The following VPS45 variants were observed in gnomAD, a reference collection of about 807,000 sequenced individuals.
The protein encoded by VPS45 is vacuolar protein sorting 45 homolog.
A neutral mutation model predicts 75.9 loss-of-function variants in VPS45; 35 were observed. That is an observed-to-expected ratio of 0.46 (90% CI 0.35 to 0.61). The LOEUF (loss-of-function observed/expected upper bound fraction) is 0.61. VPS45 is among the 20% of genes least tolerant of loss of function. The pLI, the probability that VPS45 is intolerant of heterozygous loss-of-function variation, is 0.00. For missense variants in VPS45, 559 were observed against 685.9 expected, an observed-to-expected ratio of 0.81 and a Z score of 2.07; for synonymous variants, 220 against 238.2, an observed-to-expected ratio of 0.92 and a Z score of 0.70.
At chr1:150,106,933 C>T (rs1237800557) in intron 13 of VPS45, among the ~76,000 whole-genome samples, 5 of 152,186 alleles carry the variant, frequency 3.3e-5, no homozygotes, top group Non-Finnish European at 7.3e-5. Context: ...AGGGGACTCT[C>T]AATTCCCACC....
chr1:150,081,551 A>T, intron 8 of VPS45, 75 bp downstream of exon 8: 1 of 1,498,322 alleles, frequency 6.7e-7, no homozygotes, highest in Admixed American at 2.2e-5. Context: ...TTGTTAGTAT[A>T]GGGGCAGGCA....
chr1:150,072,672 A>AAAAAAAT (rs1198741898), intron 3 of VPS45, among the ~76,000 whole-genome samples: 2 of 142,504 alleles, frequency 1.4e-5, no homozygotes, highest in Non-Finnish European at 3.0e-5. Flanking sequence ...AAAAAAAAAT[A>AAAAAAAT]CTTTTGACCA....
chr1:150,078,935 C>T (rs144850201), intron 7 of VPS45, among the ~76,000 whole-genome samples: 7,037 of 151,730 alleles, frequency 0.046, 218 homozygotes, highest in Non-Finnish European at 0.065. Flanking sequence ...CATGATGAAA[C>T]CCTGTCTCTA....
intron 10 of VPS45, among the ~76,000 whole-genome samples, chr1:150,090,513 C>T (rs1401596682): frequency 6.6e-6 from 1 of 152,050 alleles, no homozygotes; most frequent in Non-Finnish European, 1.5e-5. Context: ...TATAAGCAGA[C>T]CACTTAAAAT....
intron 2 of VPS45, among the ~76,000 whole-genome samples, chr1:150,071,551 C>T (rs1051650137): frequency 2.0e-5 from 3 of 152,088 alleles, no homozygotes; most frequent in African/African-American, 7.2e-5. Flanking sequence ...CTTTGGGAGG[C>T]CAAGCCAGGT....
intron 14 of VPS45, among the ~76,000 whole-genome samples, chr1:150,120,102 C>A (rs1209731909): frequency 4.7e-5 from 1 of 21,100 alleles, no homozygotes; most frequent in Non-Finnish European, 9.0e-5. Flanking sequence ...GAGTGAAACT[C>A]CATCTAAAAA....
At position 150,077,129 on chromosome 1, in the gene VPS45, A is replaced by T. The variant is rs2101519449; in HGVS notation, c.474A>T (p.Thr158=). The T allele has an allele frequency of 6.2e-7, 1 of 1,614,124 alleles. No individual in the cohort carries two copies. The highest frequency in any genetic ancestry group is 8.5e-7 in the Non-Finnish European group (1 of 1,180,014). ...RNWDPAQLSR[T]TQGLTALLLS... The stretch of plus-strand genomic sequence containing the variant: ...GGGATCCAGCCCAGCTATCTAGAAC[A>T]ACTCAAGGGCTTACAGCTCTCCTTT... The change falls in exon 6 of 15, where the codon ACA becomes ACT. Residue 158 remains threonine, a synonymous_variant. Transcript: ENST00000644510.
At chr1:150,076,063 A>AATATATATATATATATATATAT (rs71825614) in intron 3 of VPS45, among the ~76,000 whole-genome samples, 170 bp from the exon 4 acceptor site, 1 of 140,010 alleles carries the variant, frequency 7.1e-6, no homozygotes, top group African/African-American at 2.8e-5. Context: ...GTCCTTTTAA[A>AATATATATATATATATATATAT]ATATATATAT....
chr1:150,085,923 A>T (rs1655987771), intron 10 of VPS45, among the ~76,000 whole-genome samples: 1 of 152,110 alleles, frequency 6.6e-6, no homozygotes, highest in Non-Finnish European at 1.5e-5. Context: ...TTGCCATACC[A>T]TGAAGAAAAG....
At chr1:150,099,314 G>GTGAAA (rs1553803708) in intron 13 of VPS45, among the ~76,000 whole-genome samples, 3 of 151,754 alleles carry the variant, frequency 2.0e-5, no homozygotes, top group African/African-American at 7.3e-5. Flanking sequence ...GGCCAACATA[G>GTGAAA]TGAAACCTTG....
chr1:150,113,620 G>A lies in VPS45; in HGVS notation c.1625+2993G>A, dbSNP rs372928356. Among the ~76,000 whole-genome samples the A allele has an allele frequency of 3.3e-5, 5 of 152,286 alleles. No individual in the cohort carries two copies. The East Asian group carries it at 9.6e-4, about 29-fold the overall frequency. On this transcript the variant is annotated intron_variant, in intron 14 of 14. Transcript: ENST00000644510. ...TTGAATAAAAGAAGAAATAAGCCAG[G>A]CGTGGTGGCTCCCACCTGTAATCCC...
chr1:150,131,582 C>T (rs1034494875), intron 14 of VPS45, among the ~76,000 whole-genome samples: 3 of 151,354 alleles, frequency 2.0e-5, no homozygotes, highest in Non-Finnish European at 2.9e-5. Context: ...TGCGTATAAT[C>T]CCGATGCTTT....
intron 10 of VPS45, among the ~76,000 whole-genome samples, chr1:150,089,342 T>A (rs1176238209): frequency 6.6e-6 from 1 of 152,134 alleles, no homozygotes; most frequent in Non-Finnish European, 1.5e-5. Context: ...TTCTTTTCTT[T>A]TTAAAAAAAT....
chr1:150,076,673 A>T, intron 4 of VPS45: 1 of 562,660 alleles, frequency 1.8e-6, no homozygotes, highest in Admixed American at 3.4e-5. Context: ...GTCTCCAGAA[A>T]TATAATGTGT....
At chr1:150,131,960 TAAA>T (rs1161859945) in intron 14 of VPS45, among the ~76,000 whole-genome samples, 4 of 152,104 alleles carry the variant, frequency 2.6e-5, no homozygotes, top group Non-Finnish European at 5.9e-5. Context: ...GTGTGAAGCT[TAAA>T]GAAGAGACCA....
chr1:150,108,913 C>G (rs1235803931), intron 13 of VPS45, among the ~76,000 whole-genome samples: 1 of 152,174 alleles, frequency 6.6e-6, no homozygotes, highest in Non-Finnish European at 1.5e-5. Flanking sequence ...AGACCACGGA[C>G]TGGTATTGGT....
In VPS45 at chr1:150,081,967, G is replaced by A. The variant is rs781829979; in HGVS notation, c.906G>A (p.Gln302=). The A allele has an allele frequency of 4.3e-6, 7 of 1,611,528 alleles. No individual in the cohort carries two copies. The highest frequency in any genetic ancestry group is 1.7e-4 in the Middle Eastern group (1 of 5,962). The change falls in exon 9 of 15, where the codon CAG becomes CAA. Residue 302 remains glutamine (Q), a synonymous_variant. Transcript: ENST00000644510. Reference sequence around the variant, plus strand: ...TTCAGAAGAAGAAACCAAAAGAACAGCAAAAACTAGAATCAATAGCAGACA... The same window carrying A: ...TTCAGAAGAAGAAACCAAAAGAACAACAAAAACTAGAATCAATAGCAGACA... The part of the protein sequence containing the change: ...EDFQKKKPKE[Q]QKLESIADMK...
rs180703695 is a variant in VPS45 at position 150,126,248 on chromosome 1, T to C, written c.1625+15621T>C. On this transcript the variant is annotated intron_variant, in intron 14 of 14. Coordinates refer to ENST00000644510, the MANE Select transcript of VPS45 (RefSeq NM_007259.5). Reference sequence around the variant, plus strand: ...TTTTTTGAGACAGAGCCTCACTCTGTCGCCCATGCTGGAGTGCAGTGGTGC... The same window carrying C: ...TTTTTTGAGACAGAGCCTCACTCTGCCGCCCATGCTGGAGTGCAGTGGTGC... Among the ~76,000 whole-genome samples, 329 of 152,212 alleles carry C rather than the reference T, an allele frequency of 2.2e-3. 1 individual carries two copies. The highest frequency in any genetic ancestry group is 0.01 in the Middle Eastern group (3 of 294).
At chr1:150,132,846 T>C (rs1369390646) in intron 14 of VPS45, among the ~76,000 whole-genome samples, 3 of 152,200 alleles carry the variant, frequency 2.0e-5, no homozygotes, top group Non-Finnish European at 4.4e-5. Context: ...TATTAATAGC[T>C]CCTTCATACC....
Sources: gnomAD v4.1 joint callset for allele counts (sites outside exome capture counted in the v4.1 genomes callset) on GRCh38, gnomAD v4.1.1 for gene constraint, MANE v1.5 for transcripts, NCBI Gene and HGNC (gene_info 2026-07-23, HGNC 2026-07-21) for gene names.